Variants in STAU1 observed in about 807,000 individuals in gnomAD.
STAU1 encodes the protein double-stranded RNA-binding protein Staufen homolog 1.
STAU1 carries 13 observed loss-of-function variants against 62.9 expected under a neutral mutation model. That is an observed-to-expected ratio of 0.21 (90% CI 0.13 to 0.33). The LOEUF (loss-of-function observed/expected upper bound fraction) is 0.33. STAU1 is among the 10% of genes least tolerant of loss of function. The pLI is 1.00. For synonymous variants in STAU1, 269 were observed against 265.1 expected, an observed-to-expected ratio of 1.01 and a Z score of -0.14; for missense variants, 571 against 712.1, an observed-to-expected ratio of 0.80 and a Z score of 2.25.
chr20:49,216,068 A>G, the STAU1 span, among the ~76,000 whole-genome samples: 1 of 151,110 alleles, frequency 6.6e-6, no homozygotes, highest in Admixed American at 6.6e-5. Flanking sequence ...GAAGAAGAGA[A>G]AAAGAAGAAG....
intron 5 of STAU1, among the ~76,000 whole-genome samples, chr20:49,142,856 G>C (rs2093039659): frequency 6.6e-6 from 1 of 152,100 alleles, no homozygotes; most frequent in Admixed American, 6.5e-5. Context: ...CAGCTGCAGT[G>C]CAATGGCATA....
chr20:49,195,992 A>G, the STAU1 span, among the ~76,000 whole-genome samples: 8 of 149,314 alleles, frequency 5.4e-5, no homozygotes, highest in African/African-American at 1.7e-4. Context: ...TAATCCTGGC[A>G]CTTTGGGAGG....
At chr20:49,203,147 G>A in the STAU1 span, among the ~76,000 whole-genome samples, 3 of 151,970 alleles carry the variant, frequency 2.0e-5, no homozygotes, top group Admixed American at 6.6e-5. Flanking sequence ...AATGAGGGGT[G>A]GGCATGGTGG....
At chr20:49,129,110 TAA>T (rs748314103) in intron 6 of STAU1, among the ~76,000 whole-genome samples, 2 of 151,408 alleles carry the variant, frequency 1.3e-5, no homozygotes, top group African/African-American at 2.4e-5. Flanking sequence ...AACTCAATAA[TAA>T]AAAGACACTC....
chr20:49,170,800 AAAG>A (rs906327361), intron 2 of STAU1, among the ~76,000 whole-genome samples: 8 of 151,944 alleles, frequency 5.3e-5, no homozygotes, highest in African/African-American at 1.9e-4. Flanking sequence ...AAAAAAAAAA[AAAG>A]AAGGAAAGAA....
chr20:49,202,545 CAG>C, the STAU1 span, among the ~76,000 whole-genome samples: 1 of 151,402 alleles, frequency 6.6e-6, no homozygotes, highest in Non-Finnish European at 1.5e-5. Context: ...GCCTGGGTGA[CAG>C]AGCAAGACTC....
At chr20:49,188,521 C>A (rs1345435771), upstream of STAU1, among the ~76,000 whole-genome samples, 1 of 152,126 alleles carries the variant, frequency 6.6e-6, no homozygotes, top group African/African-American at 2.4e-5. Context: ...GCGGGAGGAG[C>A]GCCCTGTCCC....
At chr20:49,213,023 T>A in the STAU1 span, among the ~76,000 whole-genome samples, 1 of 152,128 alleles carries the variant, frequency 6.6e-6, no homozygotes, top group African/African-American at 2.4e-5. Flanking sequence ...TATTTATTTT[T>A]GAGACAGGGT....
At position 49,114,656 on chromosome 20, in the gene STAU1, C is replaced by T. The variant is rs559811304; in HGVS notation, c.*222G>A. 3 of 516,210 alleles carry T rather than the reference C, an allele frequency of 5.8e-6. No individual in the cohort carries two copies. The highest frequency in any genetic ancestry group is 3.0e-5 in the East Asian group (1 of 33,416). 32.0% of individuals were successfully genotyped at this position (516,210 alleles called of 1,614,324 possible). On this transcript the variant is annotated 3_prime_UTR_variant, in exon 14 of 14. Coordinates refer to ENST00000371856, the MANE Select transcript of STAU1 (RefSeq NM_017453.4). ...CAGGCAGCTGCTATTGCGTAGGGAC[C>T]GCCAGGTCACCGAGTGGCCATCACA...
intron 5 of STAU1, among the ~76,000 whole-genome samples, chr20:49,138,998 C>T (rs2092950388): frequency 1.3e-5 from 2 of 151,916 alleles, no homozygotes; most frequent in African/African-American, 4.8e-5. Flanking sequence ...AAAAAAAATA[C>T]TGTAAGCTTG....
At chr20:49,199,094 C>T in the STAU1 span, among the ~76,000 whole-genome samples, 1 of 150,894 alleles carries the variant, frequency 6.6e-6, no homozygotes, top group Non-Finnish European at 1.5e-5. Flanking sequence ...TGCAGTAAGC[C>T]GAGATCGTGC....
the STAU1 span, among the ~76,000 whole-genome samples, chr20:49,199,764 G>T: frequency 6.6e-6 from 1 of 152,052 alleles, no homozygotes; most frequent in Non-Finnish European, 1.5e-5. Context: ...AGTAGAGACG[G>T]GGTTTCACCA....
chr20:49,156,838 A>T (rs902600991), intron 3 of STAU1, among the ~76,000 whole-genome samples: 4 of 151,616 alleles, frequency 2.6e-5, no homozygotes, highest in South Asian at 4.2e-4. Context: ...TTTTTTATAA[A>T]CAACAACAAA....
At chr20:49,145,157 G>A (rs923188518) in intron 5 of STAU1, among the ~76,000 whole-genome samples, 4 of 152,198 alleles carry the variant, frequency 2.6e-5, no homozygotes, top group Non-Finnish European at 5.9e-5. Context: ...TGGGCGTGGT[G>A]GCTCACGCCT....
the STAU1 span, among the ~76,000 whole-genome samples, chr20:49,200,133 T>TG: frequency 6.6e-6 from 1 of 152,208 alleles, no homozygotes; most frequent in Non-Finnish European, 1.5e-5. Context: ...CAGTCCTAGG[T>TG]GTTTACACAA....
At chr20:49,118,201 G>T in intron 10 of STAU1, 105 bp from the exon 11 acceptor site, 1 of 1,387,408 alleles carries the variant, frequency 7.2e-7, no homozygotes. Context: ...ACGCATGGCA[G>T]CGCAGGGAAT....
At chr20:49,116,002 A>G (rs2092314013) in intron 12 of STAU1, 135 bp from the exon 13 acceptor site, 3 of 634,182 alleles carry the variant, frequency 4.7e-6, no homozygotes, top group Non-Finnish European at 8.4e-6. Flanking sequence ...GTACTACTAA[A>G]TAAAACTTTG....
chr20:49,193,973 GAA>G, the STAU1 span, among the ~76,000 whole-genome samples: 239 of 147,874 alleles, frequency 1.6e-3, no homozygotes, highest in African/African-American at 3.5e-3. Flanking sequence ...TCAGAAAAAA[GAA>G]AAAAAAAAAA....
the STAU1 span, among the ~76,000 whole-genome samples, chr20:49,213,846 C>G: frequency 2.0e-5 from 3 of 152,304 alleles, no homozygotes; most frequent in South Asian, 6.2e-4. Flanking sequence ...CTGAAAACCA[C>G]GAAAAGATCA....
Sources: allele counts gnomAD v4.1 joint callset (sites outside exome capture counted in the v4.1 genomes callset), GRCh38; gene constraint gnomAD v4.1.1; transcripts MANE v1.5; gene names NCBI Gene and HGNC (gene_info 2026-07-23, HGNC 2026-07-21).